Variants in FLRT2 observed in about 807,000 individuals in gnomAD.
The protein encoded by FLRT2 is leucine-rich repeat transmembrane protein FLRT2.
A neutral mutation model predicts 40.0 loss-of-function variants in FLRT2; 15 were observed. That is an observed-to-expected ratio of 0.38 (90% CI 0.25 to 0.58). The LOEUF (loss-of-function observed/expected upper bound fraction) is 0.58. Ranked by LOEUF, FLRT2 falls within the 20% of genes least tolerant of loss-of-function variation. FLRT2 has a pLI of 0.71. For synonymous variants in FLRT2, 380 were observed against 336.8 expected, an observed-to-expected ratio of 1.13 and a Z score of -1.41; for missense variants, 726 against 840.0, an observed-to-expected ratio of 0.86 and a Z score of 1.68.
chr14:85,579,259 T>C (rs1891280190), intron 1 of FLRT2, among the ~76,000 whole-genome samples: 1 of 152,168 alleles, frequency 6.6e-6, no homozygotes, highest in African/African-American at 2.4e-5. Flanking sequence ...ATTATGGGTT[T>C]CTCCTTCTCC....
At chr14:85,611,394 T>C (rs1892851205) in intron 1 of FLRT2, among the ~76,000 whole-genome samples, 1 of 152,162 alleles carries the variant, frequency 6.6e-6, no homozygotes, top group African/African-American at 2.4e-5. Flanking sequence ...CTAGAGAGGG[T>C]TGCGGGCTAA....
At position 85,645,760 on chromosome 14, in the gene FLRT2, G is replaced by A. The variant is rs966677292; in HGVS notation, c.*22263G>A. 4 of 152,016 alleles carry A rather than the reference G, an allele frequency of 2.6e-5. No individual in the cohort carries two copies. Among genetic ancestry groups the A allele is most frequent in the Admixed American group, 6.6e-5 (1 of 15,242 alleles). The allele number at this position is 152,016 out of a possible 1,614,324, so 9.4% of individuals were successfully genotyped here. A position where few individuals can be genotyped will look rare whatever the true frequency, so the allele number is the denominator to read the frequency against. The stretch of plus-strand genomic sequence containing the variant: ...CCTTTTCCCCAGCCACCCTCCTCAC[G>A]TCTTGCTCAATGACTTCATGAATGA... On this transcript the variant is annotated 3_prime_UTR_variant, in exon 2 of 2. Coordinates refer to ENST00000330753, the MANE Select transcript of FLRT2 (RefSeq NM_013231.6).
chr14:85,598,698 C>G (rs957864958), intron 1 of FLRT2, among the ~76,000 whole-genome samples: 6 of 152,168 alleles, frequency 3.9e-5, no homozygotes, highest in African/African-American at 1.4e-4. Context: ...CCTCTTCTTC[C>G]TGTTACGGTT....
rs1893989327 is a variant in FLRT2 at position 85,635,959 on chromosome 14, TACAC to T, written c.*12465_*12468del. The T allele has an allele frequency of 6.6e-6, 1 of 152,140 alleles. No homozygotes were observed. Among genetic ancestry groups the T allele is most frequent in the Admixed American group, 6.5e-5 (1 of 15,278 alleles). The allele number at this position is 152,140 out of a possible 1,614,324, so 9.4% of individuals were successfully genotyped here. Reference sequence around the variant, plus strand: ...AGATGTTTATATAATTTTTATATAATACACACTTCCAATAATTGATAATAGTCTA... The same window carrying T: ...AGATGTTTATATAATTTTTATATAATACTTCCAATAATTGATAATAGTCTA... On this transcript the variant is annotated 3_prime_UTR_variant, in exon 2 of 2. Coordinates refer to ENST00000330753, the MANE Select transcript of FLRT2 (RefSeq NM_013231.6).
At chr14:85,595,759 A>G (rs1189194920) in intron 1 of FLRT2, among the ~76,000 whole-genome samples, 1 of 152,194 alleles carries the variant, frequency 6.6e-6, no homozygotes, top group African/African-American at 2.4e-5. Flanking sequence ...CCGGAAGTAA[A>G]ACCCATAGCT....
In FLRT2 at chr14:85,649,294, C is replaced by A. The variant is rs1384363589; in HGVS notation, c.*25797C>A. On this transcript the variant is annotated 3_prime_UTR_variant, in exon 2 of 2. Coordinates refer to ENST00000330753, the MANE Select transcript of FLRT2 (RefSeq NM_013231.6). ...CTCAAATTTTGATGATTTAATAGCT[C>A]ATTGAAAGAACTAGCCTGAAGCAGA... 6.6e-6 allele frequency: 1 copy of A among 152,068 alleles called. No homozygotes were observed. Among genetic ancestry groups the A allele is most frequent in the African/African-American group, 2.4e-5 (1 of 41,412 alleles). 9.4% of individuals were successfully genotyped at this position (152,068 alleles called of 1,614,324 possible).
At chr14:85,590,078 A>C (rs1305479173) in intron 1 of FLRT2, among the ~76,000 whole-genome samples, 1 of 149,606 alleles carries the variant, frequency 6.7e-6, no homozygotes. Flanking sequence ...TTTTTTAAAC[A>C]TAACATTATA....
In FLRT2 at chr14:85,619,477, CAAT is replaced by C. The variant is rs752129072; in HGVS notation, c.-376-1659_-376-1657del. ...TCCCACCCACCTTATATTTCCGAAA[CAAT>C]AAAAAATGAGTTTTACCTTTTCTGG... is the stretch of plus-strand genomic sequence containing the variant. On this transcript the variant is annotated intron_variant, in intron 1 of 1. Coordinates refer to ENST00000330753, the MANE Select transcript of FLRT2 (RefSeq NM_013231.6). 1.8e-4 allele frequency among the ~76,000 whole-genome samples: 27 copies of C among 152,162 alleles called. No homozygotes were observed. In the East Asian group the frequency reaches 4.1e-3, roughly 23 times the overall value.
intron 1 of FLRT2, among the ~76,000 whole-genome samples, chr14:85,557,480 A>C (rs1890043791): frequency 6.6e-6 from 1 of 152,178 alleles, no homozygotes; most frequent in African/African-American, 2.4e-5. Context: ...AGGAGATAGA[A>C]TAGATGGCAT....
Position 85,643,346 on chromosome 14 carries a change from T to TTCCTTC in FLRT2, c.*19849_*19850insTCCTTC, listed in dbSNP as rs1555373563. The TTCCTTC allele has an allele frequency of 0.017, 1,004 of 57,490 alleles. 9 individuals are homozygous for TTCCTTC. The highest frequency in any genetic ancestry group is 0.027 in the Non-Finnish European group (671 of 25,256). 3.6% of individuals were successfully genotyped at this position (57,490 alleles called of 1,614,324 possible). Reference sequence around the variant, plus strand: ...TTCTTTCTTTCTTTCTTTCTTTCTTTCTTTCTTTCTTCCTTCCTTCCTTCC... The same window carrying TTCCTTC: ...TTCTTTCTTTCTTTCTTTCTTTCTTTTCCTTCCTTTCTTTCTTCCTTCCTTCCTTCC... On this transcript the variant is annotated 3_prime_UTR_variant, in exon 2 of 2. Coordinates refer to ENST00000330753, the MANE Select transcript of FLRT2 (RefSeq NM_013231.6).
In FLRT2 at chr14:85,646,308, T is replaced by G. The variant is rs1894302376; in HGVS notation, c.*22811T>G. The G allele has an allele frequency of 6.6e-6, 1 of 152,226 alleles. No homozygotes were observed. The highest frequency in any genetic ancestry group is 1.5e-5 in the Non-Finnish European group (1 of 68,040). The allele number at this position is 152,226 out of a possible 1,614,324, so 9.4% of individuals were successfully genotyped here. A position where few individuals can be genotyped will look rare whatever the true frequency, so the allele number is the denominator to read the frequency against. The stretch of plus-strand genomic sequence containing the variant: ...GAATAAGATGTATGATCTGAATTAG[T>G]GGCCAATACCTGGCCCTTTTTGTCT... On this transcript the variant is annotated 3_prime_UTR_variant, in exon 2 of 2. Coordinates refer to ENST00000330753, the MANE Select transcript of FLRT2 (RefSeq NM_013231.6).
intron 1 of FLRT2, among the ~76,000 whole-genome samples, chr14:85,546,541 A>G (rs1309560177): frequency 1.3e-5 from 2 of 152,182 alleles, no homozygotes; most frequent in African/African-American, 2.4e-5. Context: ...CACCAGCAGC[A>G]TTTGGCTTCC....
chr14:85,595,215 C>A (rs932373118), intron 1 of FLRT2, among the ~76,000 whole-genome samples: 4 of 151,954 alleles, frequency 2.6e-5, no homozygotes, highest in Non-Finnish European at 5.9e-5. Context: ...TGTTCTAGTG[C>A]CAAGTATACT....
chr14:85,600,022 G>C (rs1308651257), intron 1 of FLRT2, among the ~76,000 whole-genome samples: 1 of 152,210 alleles, frequency 6.6e-6, no homozygotes, highest in African/African-American at 2.4e-5. Context: ...GGTGTTTAGA[G>C]ACTGGAGACA....
chr14:85,591,655 C>T (rs1767078117), intron 1 of FLRT2, among the ~76,000 whole-genome samples: 1 of 152,158 alleles, frequency 6.6e-6, no homozygotes, highest in African/African-American at 2.4e-5. Context: ...CAGGTGAATC[C>T]TTAGGTGACT....
At chr14:85,568,696 T>A (rs982503012) in intron 1 of FLRT2, among the ~76,000 whole-genome samples, 1 of 152,182 alleles carries the variant, frequency 6.6e-6, no homozygotes, top group Non-Finnish European at 1.5e-5. Context: ...CCACAATTAA[T>A]GAGGCCACTT....
At position 85,647,866 on chromosome 14, in the gene FLRT2, A is replaced by G. The variant is rs1223789321; in HGVS notation, c.*24369A>G. The G allele has an allele frequency of 6.6e-6, 1 of 152,162 alleles. No individual in the cohort carries two copies. Among genetic ancestry groups the G allele is most frequent in the Non-Finnish European group, 1.5e-5 (1 of 68,024 alleles). 9.4% of individuals were successfully genotyped at this position (152,162 alleles called of 1,614,324 possible). ...ATTAGTCACAGTGCTAGGTGAGGTC[A>G]AAAGTAATATGAAATAGGAAGAGGA... On this transcript the variant is annotated 3_prime_UTR_variant, in exon 2 of 2. Coordinates refer to ENST00000330753, the MANE Select transcript of FLRT2 (RefSeq NM_013231.6).
intron 1 of FLRT2, among the ~76,000 whole-genome samples, chr14:85,572,043 C>T (rs74431728): frequency 0.041 from 6,205 of 152,218 alleles, 172 homozygotes; most frequent in Non-Finnish European, 0.062. Flanking sequence ...GTTGAGAACC[C>T]CCAGCCTAGA....
At chr14:85,552,348 G>T (rs1331215120) in intron 1 of FLRT2, among the ~76,000 whole-genome samples, 11 of 152,166 alleles carry the variant, frequency 7.2e-5, no homozygotes, top group Non-Finnish European at 1.5e-5. Flanking sequence ...GCATAGTGGG[G>T]ATAGCAGTAA....
Sources: allele counts gnomAD v4.1 joint callset (sites outside exome capture counted in the v4.1 genomes callset), GRCh38; gene constraint gnomAD v4.1.1; transcripts MANE v1.5; gene names NCBI Gene and HGNC (gene_info 2026-07-23, HGNC 2026-07-21).